SLC25A31: variants seen among roughly 807,000 people sequenced by gnomAD.
The protein encoded by SLC25A31 is ADP/ATP translocase 4.
A neutral mutation model predicts 36.2 loss-of-function variants in SLC25A31; 40 were observed. The observed-to-expected ratio is 1.10, with a 90% CI of 0.86 to 1.44. The LOEUF (loss-of-function observed/expected upper bound fraction) is 1.44. SLC25A31 is among the 40% of genes most tolerant of loss of function. The probability of loss-of-function intolerance (pLI) is 0.00; values close to 1 mark genes in which losing one functional copy is unlikely to be tolerated. For missense variants in SLC25A31, 350 were observed against 397.1 expected (o/e 0.88, Z 1.01); for synonymous variants, 143 against 149.7 (o/e 0.96, Z 0.32).
chr4:127,736,524 A>G (rs1048260368), intron 1 of SLC25A31, among the ~76,000 whole-genome samples: 2 of 152,190 alleles, frequency 1.3e-5, no homozygotes, highest in African/African-American at 4.8e-5. Context: ...ACCAAAAAAT[A>G]CTGTTTTATC....
At chr4:127,761,436 G>T (rs928413502) in intron 2 of SLC25A31, among the ~76,000 whole-genome samples, 3 of 152,148 alleles carry the variant, frequency 2.0e-5, no homozygotes, top group Non-Finnish European at 2.9e-5. Context: ...GGAAAAAGAT[G>T]ATTTATTGTA....
chr4:127,747,724 T>G (rs755483283), intron 2 of SLC25A31, among the ~76,000 whole-genome samples: 1 of 152,202 alleles, frequency 6.6e-6, no homozygotes, highest in Non-Finnish European at 1.5e-5. Flanking sequence ...GTTTCTGGCC[T>G]CTTAAGCTGA....
chr4:127,734,388 C>T (rs950675352), intron 1 of SLC25A31, among the ~76,000 whole-genome samples: 11 of 151,850 alleles, frequency 7.2e-5, no homozygotes, highest in African/African-American at 2.4e-4. Context: ...GGTGAAACCC[C>T]GTCTCTACTA....
At chr4:127,764,101 T>C (rs1732193186) in intron 2 of SLC25A31, 142 bp from the exon 3 acceptor site, 2 of 641,582 alleles carry the variant, frequency 3.1e-6, no homozygotes, top group African/African-American at 3.7e-5. Context: ...GATAGCATGG[T>C]ATGCATTATT....
intron 1 of SLC25A31, among the ~76,000 whole-genome samples, chr4:127,740,159 G>T (rs558080610): frequency 6.6e-6 from 1 of 152,152 alleles, no homozygotes; most frequent in South Asian, 2.1e-4. Flanking sequence ...CTGATTTCTT[G>T]CCCTATTCCT....
At chr4:127,764,724 T>C (rs908697271) in intron 3 of SLC25A31, among the ~76,000 whole-genome samples, 1 of 152,204 alleles carries the variant, frequency 6.6e-6, no homozygotes, top group African/African-American at 2.4e-5. Context: ...TTTGCCTCTA[T>C]CCTTACTTAA....
At chr4:127,771,329 C>A (rs1300141109) in intron 5 of SLC25A31, among the ~76,000 whole-genome samples, 1 of 152,018 alleles carries the variant, frequency 6.6e-6, no homozygotes, top group Non-Finnish European at 1.5e-5. Flanking sequence ...TTCTAATTAC[C>A]TTTAAAGACC....
chr4:127,772,673 G>A (rs940618196), intron 5 of SLC25A31, among the ~76,000 whole-genome samples: 12 of 151,828 alleles, frequency 7.9e-5, no homozygotes, highest in African/African-American at 2.2e-4. Context: ...ATTACAACTC[G>A]AAGCTGCATC....
chr4:127,757,434 G>T (rs957277231), intron 2 of SLC25A31, among the ~76,000 whole-genome samples: 3 of 152,152 alleles, frequency 2.0e-5, no homozygotes, highest in Non-Finnish European at 2.9e-5. Context: ...ATGGCCTCCA[G>T]CTGCATCCAT....
chr4:127,762,209 A>C (rs1279946294), intron 2 of SLC25A31, among the ~76,000 whole-genome samples: 1 of 152,218 alleles, frequency 6.6e-6, no homozygotes. Context: ...TCAGCTGATG[A>C]GTAGATAATG....
intron 2 of SLC25A31, among the ~76,000 whole-genome samples, chr4:127,761,589 C>G (rs1008328046): frequency 6.6e-6 from 1 of 151,828 alleles, no homozygotes; most frequent in Non-Finnish European, 1.5e-5. Flanking sequence ...CTCATTATTG[C>G]CTACTTTTTT....
At chr4:127,730,855 G>C in intron 1 of SLC25A31, 78 bp downstream of exon 1, 1 of 1,384,532 alleles carries the variant, frequency 7.2e-7, no homozygotes, top group Non-Finnish European at 9.9e-7. Context: ...GGCTGGGAGG[G>C]GCATGATTGT....
intron 1 of SLC25A31, among the ~76,000 whole-genome samples, chr4:127,734,556 CAAAAAAAAAA>C (rs34838538): frequency 0.049 from 3,068 of 62,438 alleles, 127 homozygotes; most frequent in African/African-American, 0.17. Context: ...AAGACTGTCT[CAAAAAAAAAA>C]AAAAAAAAAA....
intron 3 of SLC25A31, among the ~76,000 whole-genome samples, chr4:127,766,155 T>A (rs576344170): frequency 0.036 from 5,499 of 150,864 alleles, 119 homozygotes; most frequent in Non-Finnish European, 0.04. Context: ...TTTATTTGTT[T>A]TTTTTTTTGT....
intron 1 of SLC25A31, among the ~76,000 whole-genome samples, chr4:127,735,555 G>A (rs756793244): frequency 6.6e-6 from 1 of 152,000 alleles, no homozygotes; most frequent in Non-Finnish European, 1.5e-5. Context: ...ATAAGATCAG[G>A]AACATTGTTC....
chr4:127,732,065 G>A (rs1289163788), intron 1 of SLC25A31, among the ~76,000 whole-genome samples: 2 of 152,178 alleles, frequency 1.3e-5, no homozygotes, highest in Non-Finnish European at 2.9e-5. Flanking sequence ...TCCCAAGTTA[G>A]CTAAAGGGAT....
At chr4:127,744,222 A>G (rs1302594725) in intron 1 of SLC25A31, among the ~76,000 whole-genome samples, 1 of 152,222 alleles carries the variant, frequency 6.6e-6, no homozygotes, top group Middle Eastern at 3.2e-3. Context: ...AGATAAGGGC[A>G]CTTTAGATTC....
At position 127,774,289 on chromosome 4, in the gene SLC25A31, G is replaced by A. The variant is rs1331368369; in HGVS notation, c.*715G>A. On this transcript the variant is annotated 3_prime_UTR_variant, in exon 6 of 6. Transcript: ENST00000281154. Reference sequence around the variant, plus strand: ...TGTTGACAATAAAGGAAGCTTAACTGTTATAAAGGAGTCTTTTTTTCCCTG... The same window carrying A: ...TGTTGACAATAAAGGAAGCTTAACTATTATAAAGGAGTCTTTTTTTCCCTG... The A allele has an allele frequency of 6.6e-6, 1 of 152,366 alleles. No homozygotes were observed. Among genetic ancestry groups the A allele is most frequent in the Non-Finnish European group, 1.5e-5 (1 of 68,016 alleles). 9.4% of individuals were successfully genotyped at this position (152,366 alleles called of 1,614,324 possible). A position where few individuals can be genotyped will look rare whatever the true frequency, so the allele number is the denominator to read the frequency against.
chr4:127,773,975 C>G lies in SLC25A31; in HGVS notation c.*401C>G, dbSNP rs1732419492. 6.4e-6 allele frequency: 1 copy of G among 155,496 alleles called. No homozygotes were observed. Among genetic ancestry groups the G allele is most frequent in the African/African-American group, 2.4e-5 (1 of 41,478 alleles). The allele number at this position is 155,496 out of a possible 1,614,324, so 9.6% of individuals were successfully genotyped here. A position where few individuals can be genotyped will look rare whatever the true frequency, so the allele number is the denominator to read the frequency against. On this transcript the variant is annotated 3_prime_UTR_variant, in exon 6 of 6. Coordinates refer to ENST00000281154, the MANE Select transcript of SLC25A31 (RefSeq NM_031291.4). ...TGAAGTCATATGGTATGACATATTTCTTAAAAGCTTATCAATAGATGTCAT... is the reference window on the plus strand; with the variant it reads ...TGAAGTCATATGGTATGACATATTTGTTAAAAGCTTATCAATAGATGTCAT...
Sources: allele counts gnomAD v4.1 joint callset (sites outside exome capture counted in the v4.1 genomes callset), GRCh38; gene constraint gnomAD v4.1.1; transcripts MANE v1.5; gene names NCBI Gene and HGNC (gene_info 2026-07-23, HGNC 2026-07-21).